Variants in PFKFB3 observed in about 807,000 individuals in gnomAD.
The protein encoded by PFKFB3 is 6-phosphofructo-2-kinase/fructose-2,6-biphosphatase 3.
In PFKFB3, 33 loss-of-function variants were observed where a neutral mutation model predicts 68.0. The ratio of observed to expected loss-of-function variants is 0.49; its 90% CI spans 0.37 to 0.65. PFKFB3 has a LOEUF of 0.65. PFKFB3 is among the 30% of genes least tolerant of loss of function. PFKFB3 has a pLI of 0.00. For missense variants in PFKFB3, 586 were observed against 712.2 expected (o/e 0.82, Z 2.02); for synonymous variants, 315 against 288.2 (o/e 1.09, Z -0.94).
At chr10:6,294,980 T>G in the PFKFB3 span, among the ~76,000 whole-genome samples, 2 of 152,084 alleles carry the variant, frequency 1.3e-5, no homozygotes, top group African/African-American at 4.8e-5. Context: ...TTTTTGTTTT[T>G]TTTTTTTATC....
chr10:6,278,721 CAG>C, the PFKFB3 span, among the ~76,000 whole-genome samples: 1 of 152,204 alleles, frequency 6.6e-6, no homozygotes, highest in African/African-American at 2.4e-5. Flanking sequence ...TTGCGGAGGG[CAG>C]ACTTTTGTAC....
At chr10:6,213,591 TG>T in intron 1 of PFKFB3, 31 bp from the exon 2 acceptor site, 1 of 1,600,944 alleles carries the variant, frequency 6.2e-7, no homozygotes, top group African/African-American at 1.3e-5. Flanking sequence ...GTCACTTGGT[TG>T]ATGACACACC....
intron 1 of PFKFB3, among the ~76,000 whole-genome samples, chr10:6,158,391 G>C (rs75498259): frequency 0.011 from 1,640 of 152,288 alleles, 65 homozygotes; most frequent in East Asian, 0.1. Flanking sequence ...GGAAAATGCA[G>C]ATTGAGACCA....
In PFKFB3 at chr10:6,154,621, G is replaced by A. The variant is rs1841709381; in HGVS notation, c.16+9608G>A. On this transcript the variant is annotated intron_variant, in intron 1 of 14. Coordinates refer to the PFKFB3 transcript ENST00000379789. The surrounding 1 kb of genome is among the most constrained non-coding windows in gnomAD (Gnocchi z 4.6). The stretch of plus-strand genomic sequence containing the variant: ...TATCCTGAGAGCAGACTGTGGGGTG[G>A]CGGGGGAGGCAGGAGACCAGGTGGG... Among the ~76,000 whole-genome samples the A allele has an allele frequency of 1.3e-5, 2 of 152,198 alleles. No individual in the cohort carries two copies. The highest frequency in any genetic ancestry group is 1.3e-4 in the Admixed American group (2 of 15,276).
chr10:6,155,233 C>T (rs112150809), intron 1 of PFKFB3, among the ~76,000 whole-genome samples: 4,107 of 135,980 alleles, frequency 0.03, 128 homozygotes, highest in South Asian at 0.1. Context: ...GACGGAGTCC[C>T]GCTCTGTCGC....
At chr10:6,306,846 T>G in the PFKFB3 span, among the ~76,000 whole-genome samples, 1 of 152,252 alleles carries the variant, frequency 6.6e-6, no homozygotes, top group Admixed American at 6.5e-5. Context: ...TCATAAGTAG[T>G]GACAGGACAA....
chr10:6,197,274 G>A (rs977719706), intron 1 of PFKFB3, among the ~76,000 whole-genome samples: 3 of 152,122 alleles, frequency 2.0e-5, no homozygotes, highest in African/African-American at 7.2e-5. Context: ...ACAGCACCTG[G>A]CCTTACAGTA....
chr10:6,244,015 A>G (rs1846197763), intron 14 of PFKFB3, among the ~76,000 whole-genome samples: 1 of 151,784 alleles, frequency 6.6e-6, no homozygotes, highest in South Asian at 2.1e-4. Context: ...ACATACTATC[A>G]CGCCCAGCTA....
chr10:6,225,068 G>T (rs1260212773), intron 13 of PFKFB3: 1 of 454,238 alleles, frequency 2.2e-6, no homozygotes, highest in East Asian at 7.0e-5. Flanking sequence ...CCTGACATTT[G>T]GAGGTGGGCC....
chr10:6,316,255 G>A, the PFKFB3 span, among the ~76,000 whole-genome samples: 10,672 of 152,106 alleles, frequency 0.07, 500 homozygotes, highest in Middle Eastern at 0.23. Flanking sequence ...GCTCCTTCCC[G>A]ATCTGCCTGG....
the PFKFB3 span, among the ~76,000 whole-genome samples, chr10:6,319,927 A>G: frequency 2.6e-5 from 4 of 152,202 alleles, no homozygotes; most frequent in Non-Finnish European, 4.4e-5. Context: ...GGCCAGGCGC[A>G]GTGGCACATG....
chr10:6,267,954 CA>C, the PFKFB3 span, among the ~76,000 whole-genome samples: 23,403 of 84,878 alleles, frequency 0.28, 2,007 homozygotes, highest in African/African-American at 0.33. Context: ...GACCCTATCT[CA>C]AAAAAAAAAA....
intron 1 of PFKFB3, among the ~76,000 whole-genome samples, chr10:6,157,078 C>T (rs1030706439): frequency 4.6e-5 from 7 of 150,994 alleles, no homozygotes; most frequent in East Asian, 4.1e-4. Context: ...GGCCACAGAG[C>T]GAGACTCCAT....
chr10:6,207,746 A>G (rs181462310), intron 1 of PFKFB3, among the ~76,000 whole-genome samples: 4 of 152,376 alleles, frequency 2.6e-5, no homozygotes, highest in Non-Finnish European at 5.9e-5. Context: ...CTACATCAAC[A>G]TGATGGTAAA....
At chr10:6,325,784 A>G in the PFKFB3 span, among the ~76,000 whole-genome samples, 3 of 152,216 alleles carry the variant, frequency 2.0e-5, no homozygotes, top group African/African-American at 7.2e-5. Flanking sequence ...GCAAGAAGGT[A>G]TGTGTCCACT....
At chr10:6,195,948 C>T (rs559139437) in intron 1 of PFKFB3, among the ~76,000 whole-genome samples, 3 of 152,296 alleles carry the variant, frequency 2.0e-5, no homozygotes, top group South Asian at 2.1e-4. Context: ...TTTTTCTACT[C>T]TACCCCTCCC....
downstream of PFKFB3, among the ~76,000 whole-genome samples, chr10:6,255,058 C>T (rs575933933): frequency 1.3e-5 from 2 of 151,644 alleles, no homozygotes; most frequent in South Asian, 2.1e-4. Flanking sequence ...CTCAAGTGAT[C>T]GGCCCACCTC....
At chr10:6,278,713 G>C in the PFKFB3 span, among the ~76,000 whole-genome samples, 1 of 152,226 alleles carries the variant, frequency 6.6e-6, no homozygotes, top group Non-Finnish European at 1.5e-5. Flanking sequence ...GCAGAGGTTT[G>C]CGGAGGGCAG....
the PFKFB3 span, among the ~76,000 whole-genome samples, chr10:6,301,436 G>A: frequency 1.3e-5 from 2 of 152,116 alleles, no homozygotes; most frequent in East Asian, 1.9e-4. Flanking sequence ...CTTAAAAACT[G>A]TTGAGCATTG....
Sources: allele counts gnomAD v4.1 joint callset (sites outside exome capture counted in the v4.1 genomes callset), GRCh38; gene constraint gnomAD v4.1.1; non-coding constraint Gnocchi (gnomAD v3.1); transcripts MANE v1.5; gene names NCBI Gene and HGNC (gene_info 2026-07-23, HGNC 2026-07-21).